Variants in PDZD2 observed in about 807,000 individuals in gnomAD.
The protein encoded by PDZD2 is PDZ domain-containing protein 2.
PDZD2 carries 90 observed loss-of-function variants against 220.7 expected under a neutral mutation model. The observed-to-expected ratio is 0.41, with a 90% CI of 0.34 to 0.49. The LOEUF is 0.49. Ranked by LOEUF, PDZD2 falls within the 20% of genes least tolerant of loss-of-function variation. The pLI is 0.28. For synonymous variants in PDZD2, 1,375 were observed against 1,450.5 expected, an observed-to-expected ratio of 0.95 and a Z score of 1.18; for missense variants, 3,174 against 3,608.5, an observed-to-expected ratio of 0.88 and a Z score of 3.08.
Position 31,950,562 on chromosome 5 carries a change from A to G in PDZD2, c.477-32593A>G, listed in dbSNP as rs141815551. On this transcript the variant is annotated intron_variant, in intron 2 of 24. Transcript: ENST00000438447. The stretch of plus-strand genomic sequence containing the variant: ...TAATTTGTTTACTCTTCATCATGAT[A>G]AATTTTCCCCAATTCCAGAAGAAAT... 2.9e-3 allele frequency among the ~76,000 whole-genome samples: 445 copies of G among 152,304 alleles called. 2 individuals are homozygous for G. Among genetic ancestry groups the G allele is most frequent in the African/African-American group, 0.01 (424 of 41,584 alleles).
intron 23 of PDZD2, chr5:32,100,429 CA>C: frequency 4.7e-6 from 1 of 212,338 alleles, no homozygotes; most frequent in Non-Finnish European, 9.6e-6. Flanking sequence ...CAAACCAGCC[CA>C]CTATCCCGAA....
chr5:31,660,973 A>G (rs193233388), intron 1 of PDZD2, among the ~76,000 whole-genome samples: 213 of 152,230 alleles, frequency 1.4e-3, no homozygotes, highest in African/African-American at 4.9e-3. Flanking sequence ...GCCTCAAATG[A>G]TCATCCCACC....
intron 14 of PDZD2, among the ~76,000 whole-genome samples, chr5:32,064,298 G>A (rs1250007380): frequency 6.6e-6 from 1 of 151,548 alleles, no homozygotes; most frequent in Non-Finnish European, 1.5e-5. Context: ...CTGGAGTGCA[G>A]TGGTGCAGTC....
In PDZD2 at chr5:32,074,236, A is replaced by C; in HGVS notation, c.3130A>C (p.Ser1044Arg). The C allele has an allele frequency of 6.2e-7, 1 of 1,614,200 alleles. No homozygotes were observed. Among genetic ancestry groups the C allele is most frequent in the Non-Finnish European group, 8.5e-7 (1 of 1,180,038 alleles). ...LLGSSVDLEE[S>R]IPEGMVDAAS... ...TGGTAGCTCAGTGGACTTAGAGGAGAGTATCCCAGAGGGCATGGTGGATGC... is the reference window on the plus strand; with the variant it reads ...TGGTAGCTCAGTGGACTTAGAGGAGCGTATCCCAGAGGGCATGGTGGATGC... Residue 1044 changes from serine (S) to arginine (R), a missense_variant, in exon 18 of 25, where the codon AGT becomes CGT. By Grantham distance (110) the Ser-to-Arg change is moderately radical (BLOSUM62 -1). Coordinates refer to ENST00000438447, the MANE Select transcript of PDZD2 (RefSeq NM_178140.4).
intron 2 of PDZD2, among the ~76,000 whole-genome samples, chr5:31,842,560 C>T (rs1008979955): frequency 1.3e-5 from 2 of 152,230 alleles, no homozygotes; most frequent in Admixed American, 6.5e-5. Flanking sequence ...ATCTGCTAGG[C>T]AGGGAAGGCC....
chr5:31,724,774 A>G (rs906459064), intron 1 of PDZD2, among the ~76,000 whole-genome samples: 5 of 152,138 alleles, frequency 3.3e-5, no homozygotes, highest in African/African-American at 1.2e-4. Context: ...ACCTAAATGC[A>G]TCTGGCCAGT....
chr5:31,940,748 G>A (rs541848951), intron 2 of PDZD2, among the ~76,000 whole-genome samples: 1 of 152,298 alleles, frequency 6.6e-6, no homozygotes, highest in South Asian at 2.1e-4. Flanking sequence ...TCTGAGGAAG[G>A]CACGAAGTGG....
chr5:31,914,761 G>A (rs1025608794), intron 2 of PDZD2, among the ~76,000 whole-genome samples: 1 of 152,198 alleles, frequency 6.6e-6, no homozygotes. Context: ...TCCAGGTGGT[G>A]TTCTATTGAA....
intron 1 of PDZD2, among the ~76,000 whole-genome samples, chr5:31,682,870 G>T (rs1448883765): frequency 6.6e-6 from 1 of 151,920 alleles, no homozygotes; most frequent in Non-Finnish European, 1.5e-5. Flanking sequence ...TGACTTTCCA[G>T]CCATAAGCTT....
intron 1 of PDZD2, among the ~76,000 whole-genome samples, chr5:31,662,901 A>G (rs557184980): frequency 5.9e-5 from 9 of 152,306 alleles, no homozygotes; most frequent in Admixed American, 2.0e-4. Context: ...AAGTGCTGGG[A>G]TTACAGGTGT....
chr5:31,776,248 C>T (rs1360942684), intron 1 of PDZD2, among the ~76,000 whole-genome samples: 1 of 152,066 alleles, frequency 6.6e-6, no homozygotes, highest in Admixed American at 6.5e-5. Flanking sequence ...TCACCAAGAC[C>T]AGTTAACTGT....
intron 7 of PDZD2, among the ~76,000 whole-genome samples, chr5:32,042,247 G>A (rs1407263695): frequency 1.4e-5 from 2 of 138,870 alleles, no homozygotes; most frequent in Non-Finnish European, 3.1e-5. Flanking sequence ...GGGCGACAGA[G>A]TGAGACTCTG....
At chr5:32,018,189 C>T (rs1019723266) in intron 6 of PDZD2, among the ~76,000 whole-genome samples, 2 of 152,234 alleles carry the variant, frequency 1.3e-5, no homozygotes, top group African/African-American at 2.4e-5. Context: ...CTGCATCCGG[C>T]TCATGTGCAC....
intron 2 of PDZD2, among the ~76,000 whole-genome samples, chr5:31,878,131 G>A (rs1739480444): frequency 6.6e-6 from 1 of 152,186 alleles, no homozygotes; most frequent in South Asian, 2.1e-4. Flanking sequence ...TACCATGACT[G>A]TAATTGATAA....
At chr5:31,975,137 T>C (rs954148835) in intron 2 of PDZD2, among the ~76,000 whole-genome samples, 1 of 152,102 alleles carries the variant, frequency 6.6e-6, no homozygotes, top group Non-Finnish European at 1.5e-5. Context: ...ATTTGTATTC[T>C]GTATTAGTTT....
At position 32,020,168 on chromosome 5, in the gene PDZD2, C is replaced by T. The variant is rs1166154115; in HGVS notation, c.1407+9686C>T. Among the ~76,000 whole-genome samples the T allele has an allele frequency of 2.0e-5, 3 of 151,638 alleles. No individual in the cohort carries two copies. In the East Asian group the frequency reaches 5.8e-4, roughly 29 times the overall value. ...CTGCAACCTCCACCTCCATGCCTAG[C>T]TAATTTTTGTATTTTTAGTGGAGAC... On this transcript the variant is annotated intron_variant, in intron 6 of 24. Transcript: ENST00000438447.
At chr5:31,720,673 A>C (rs1748735630) in intron 1 of PDZD2, among the ~76,000 whole-genome samples, 1 of 152,204 alleles carries the variant, frequency 6.6e-6, no homozygotes, top group Non-Finnish European at 1.5e-5. Context: ...ATGATCTAGC[A>C]TGAATTGACT....
At chr5:31,802,424 A>G (rs1230992054) in intron 2 of PDZD2, among the ~76,000 whole-genome samples, 1 of 152,148 alleles carries the variant, frequency 6.6e-6, no homozygotes, top group African/African-American at 2.4e-5. Flanking sequence ...TATTCGGTGC[A>G]ACACTCCACT....
chr5:31,797,029 G>T (rs1320080338), intron 1 of PDZD2, among the ~76,000 whole-genome samples: 5 of 147,420 alleles, frequency 3.4e-5, no homozygotes, highest in Non-Finnish European at 5.9e-5. Context: ...CCGGGTTCAC[G>T]CCATTCTCCT....
Sources: gnomAD v4.1 joint callset for allele counts (sites outside exome capture counted in the v4.1 genomes callset) on GRCh38, gnomAD v4.1.1 for gene constraint, MANE v1.5 for transcripts, NCBI Gene and HGNC (gene_info 2026-07-23, HGNC 2026-07-21) for gene names.